Variants in ALG12 observed in about 807,000 individuals in gnomAD.
ALG12 encodes the protein ALG12 alpha-1,6-mannosyltransferase, also known as dol-P-Man:Man(7)GlcNAc(2)-PP-Dol alpha-1,6-mannosyltransferase.
Under a neutral mutation model 46.0 loss-of-function variants are expected in ALG12, and 36 were observed. The observed-to-expected ratio is 0.78, with a 90% CI of 0.60 to 1.03. The LOEUF is 1.03. Among genes scored for constraint, ALG12 ranks in the 50% least tolerant of loss-of-function variants. The probability of loss-of-function intolerance (pLI) is 0.00; values close to 1 mark genes in which losing one functional copy is unlikely to be tolerated. For synonymous variants in ALG12, 326 were observed against 291.6 expected, an observed-to-expected ratio of 1.12 and a Z score of -1.20; for missense variants, 599 against 633.5, an observed-to-expected ratio of 0.95 and a Z score of 0.58.
At chr22:49,886,907 A>G in the ALG12 span, 2 of 1,614,010 alleles carry the variant, frequency 1.2e-6, no homozygotes, top group Admixed American at 1.7e-5. This position sits in a 1 kb window ranked among gnomAD's most constrained non-coding sequence, Gnocchi z 7.7. Context: ...AAGCTGCCTG[A>G]AGCCATGGTG....
chr22:49,876,951 C>A, the ALG12 span, among the ~76,000 whole-genome samples: 1 of 152,140 alleles, frequency 6.6e-6, no homozygotes, highest in Non-Finnish European at 1.5e-5. Context: ...CCGATTTTTC[C>A]AAAATAGATG....
At chr22:49,909,633 A>G (rs892586022) in intron 5 of ALG12, among the ~76,000 whole-genome samples, 6 of 152,212 alleles carry the variant, frequency 3.9e-5, no homozygotes, top group Admixed American at 3.9e-4. Flanking sequence ...CGCCTGGCGC[A>G]GGGACAAGCC....
the ALG12 span, chr22:49,883,530 A>G: frequency 2.8e-5 from 35 of 1,259,750 alleles, no homozygotes; most frequent in Non-Finnish European, 3.7e-5. Context: ...ATGATTAGCC[A>G]TATTTCTAGA....
At chr22:49,915,326 A>G (rs2060603481) in intron 1 of ALG12, among the ~76,000 whole-genome samples, 1 of 152,150 alleles carries the variant, frequency 6.6e-6, no homozygotes, top group African/African-American at 2.4e-5. Context: ...CGGGAGGCTG[A>G]GGTGGGTGGA....
At chr22:49,891,125 C>T in the ALG12 span, among the ~76,000 whole-genome samples, 15 of 152,270 alleles carry the variant, frequency 9.9e-5, 2 homozygotes, top group Admixed American at 2.0e-4. Flanking sequence ...CTTACTTTGA[C>T]TTGTCCACAT....
At chr22:49,874,339 G>A in the ALG12 span, among the ~76,000 whole-genome samples, 1 of 152,130 alleles carries the variant, frequency 6.6e-6, no homozygotes, top group Admixed American at 6.5e-5. Flanking sequence ...TTTCTACATC[G>A]AATGACGTGC....
chr22:49,861,056 A>G, the ALG12 span, among the ~76,000 whole-genome samples: 3 of 151,770 alleles, frequency 2.0e-5, no homozygotes, highest in African/African-American at 4.8e-5. Flanking sequence ...GATAATGGGC[A>G]TGAGCCACCA....
chr22:49,864,648 C>G, the ALG12 span, among the ~76,000 whole-genome samples: 1 of 151,818 alleles, frequency 6.6e-6, no homozygotes, highest in African/African-American at 2.4e-5. Context: ...GAGACCCCCT[C>G]TCTACAAAAA....
rs28397081 is a variant in ALG12, at chr22:49,917,271, A to G, written c.-79+992T>C. Among the ~76,000 whole-genome samples the G allele has an allele frequency of 7.9e-3, 1,196 of 152,320 alleles. 12 individuals carry two copies. Among genetic ancestry groups the G allele is most frequent in the East Asian group, 0.031 (160 of 5,182 alleles). On this transcript the variant is annotated intron_variant, in intron 1 of 9. Transcript: ENST00000330817. ...CAGGTTAAAACGGGCCCAGGCCATG[A>G]CACTTTAAAATGGTGGTTTACAGAA... is the stretch of plus-strand genomic sequence containing the variant.
chr22:49,908,526 CAAAAAAA>C (rs11432710), intron 6 of ALG12, among the ~76,000 whole-genome samples: 1 of 55,028 alleles, frequency 1.8e-5, no homozygotes, highest in South Asian at 6.5e-4. Flanking sequence ...GACTCTGTCT[CAAAAAAA>C]AAAAAAAAAA....
At chr22:49,895,595 T>C (rs932386652), downstream of ALG12, among the ~76,000 whole-genome samples, 4 of 150,912 alleles carry the variant, frequency 2.7e-5, no homozygotes, top group South Asian at 6.3e-4. Context: ...GTGGTTGCAG[T>C]GAGCTGAGGT....
the ALG12 span, among the ~76,000 whole-genome samples, chr22:49,878,062 T>C: frequency 6.6e-6 from 1 of 152,084 alleles, no homozygotes; most frequent in African/African-American, 2.4e-5. Context: ...CCCAGCACTT[T>C]GGGAGGCCGA....
downstream of ALG12, among the ~76,000 whole-genome samples, chr22:49,898,653 G>A (rs2147569862): frequency 6.6e-6 from 1 of 152,216 alleles, no homozygotes; most frequent in South Asian, 2.1e-4. Flanking sequence ...CCTCCCCAAA[G>A]TGCTGGGATT....
Position 49,903,898 on chromosome 22 carries a change from G to C in ALG12, c.1407C>G (p.Pro469=). 3 of 1,614,248 alleles carry C rather than the reference G, an allele frequency of 1.9e-6. No homozygotes were observed. The highest frequency in any genetic ancestry group is 1.3e-5 in the African/African-American group (1 of 75,070). The change falls in exon 10 of 10, where the codon CCC becomes CCG. Residue 469 remains proline (P), a synonymous_variant. Transcript: ENST00000330817. ...GVSLNLTQLP[P]FNVHLQTKLV... Reference sequence around the variant, plus strand: ...GCTTTGTCTGCAGGTGGACGTTGAAGGGGGGCAGTTGGGTCAGGTTCAGAC... The same window carrying C: ...GCTTTGTCTGCAGGTGGACGTTGAACGGGGGCAGTTGGGTCAGGTTCAGAC...
At chr22:49,870,418 G>C in the ALG12 span, among the ~76,000 whole-genome samples, 1 of 152,178 alleles carries the variant, frequency 6.6e-6, no homozygotes, top group East Asian at 1.9e-4. Flanking sequence ...CTCCGCAGTG[G>C]CTGAACTCAT....
At chr22:49,876,080 T>C in the ALG12 span, among the ~76,000 whole-genome samples, 1 of 152,204 alleles carries the variant, frequency 6.6e-6, no homozygotes, top group Non-Finnish European at 1.5e-5. Context: ...TATTTGAAAA[T>C]AGTTTGGATT....
chr22:49,860,981 G>C, the ALG12 span, among the ~76,000 whole-genome samples: 1 of 107,746 alleles, frequency 9.3e-6, no homozygotes, highest in Non-Finnish European at 2.1e-5. Flanking sequence ...GTTTCACTAT[G>C]TTGCCCAGGC....
Position 49,907,585 on chromosome 22 carries a change from A to G in ALG12, c.992+136T>C. On this transcript the variant is annotated intron_variant, in intron 7 of 9. Transcript: ENST00000330817. ...CCCCTAGGAGTTGAGGGGTGCAGTA[A>G]GCCCCACTCCAGCTGGGCGACAGAG... 14 of 987,528 alleles carry G rather than the reference A, an allele frequency of 1.4e-5. No homozygotes were observed. The South Asian group carries it at 1.8e-4, about 13-fold the overall frequency. The allele number at this position is 987,528 out of a possible 1,614,324, so 61.2% of individuals were successfully genotyped here. A position where few individuals can be genotyped will look rare whatever the true frequency, so the allele number is the denominator to read the frequency against.
chr22:49,865,559 C>T, the ALG12 span, among the ~76,000 whole-genome samples: 3 of 152,216 alleles, frequency 2.0e-5, no homozygotes, highest in East Asian at 1.9e-4. Flanking sequence ...CCTGTAATCC[C>T]AGCTACTCAG....
Sources: gnomAD v4.1 joint callset for allele counts (sites outside exome capture counted in the v4.1 genomes callset) on GRCh38, gnomAD v4.1.1 for gene constraint, Gnocchi (gnomAD v3.1) non-coding constraint, MANE v1.5 for transcripts, NCBI Gene and HGNC (gene_info 2026-07-23, HGNC 2026-07-21) for gene names.